Variants in SNX30 observed in about 807,000 individuals in gnomAD.
SNX30 encodes sorting nexin family member 30, also known as sorting nexin-30.
Under a neutral mutation model 46.4 loss-of-function variants are expected in SNX30, and 24 were observed. That is an observed-to-expected ratio of 0.52 (90% CI 0.37 to 0.73). SNX30 has a LOEUF of 0.73. Among genes scored for constraint, SNX30 ranks in the 30% least tolerant of loss-of-function variants. The pLI is 0.00. For missense variants in SNX30, 533 were observed against 555.7 expected, an observed-to-expected ratio of 0.96 and a Z score of 0.41; for synonymous variants, 189 against 211.5, an observed-to-expected ratio of 0.89 and a Z score of 0.92.
intron 6 of SNX30, among the ~76,000 whole-genome samples, chr9:112,845,453 A>G (rs929744101): frequency 6.6e-6 from 1 of 152,200 alleles, no homozygotes; most frequent in African/African-American, 2.4e-5. Flanking sequence ...TAAGAATTCT[A>G]GCTTCTGATC....
intron 3 of SNX30, among the ~76,000 whole-genome samples, chr9:112,819,562 C>T (rs116514741): frequency 0.038 from 5,762 of 152,144 alleles, 375 homozygotes; most frequent in African/African-American, 0.13. Flanking sequence ...CCACCACGCC[C>T]GGCCCAAGTT....
chr9:112,817,469 A>G (rs559995434), intron 2 of SNX30, among the ~76,000 whole-genome samples: 2 of 122,422 alleles, frequency 1.6e-5, no homozygotes, highest in South Asian at 5.2e-4. Flanking sequence ...GCTGGAGTGC[A>G]GTGGTGCAAT....
At chr9:112,829,949 TATTTC>T (rs1840635891) in intron 3 of SNX30, among the ~76,000 whole-genome samples, 1 of 152,236 alleles carries the variant, frequency 6.6e-6, no homozygotes, top group African/African-American at 2.4e-5. Context: ...ATTTTAAAAA[TATTTC>T]ATAGCTCAAA....
At chr9:112,846,552 C>G (rs974951210) in intron 6 of SNX30, among the ~76,000 whole-genome samples, 14 of 152,186 alleles carry the variant, frequency 9.2e-5, no homozygotes, top group Non-Finnish European at 2.1e-4. Context: ...GGAAAGTGCC[C>G]TTCTAGAGGG....
chr9:112,795,133 T>C (rs548468480), intron 1 of SNX30, among the ~76,000 whole-genome samples: 1 of 152,192 alleles, frequency 6.6e-6, no homozygotes. Flanking sequence ...CCTCATAGTT[T>C]ATAAGAGGAT....
chr9:112,783,262 G>A (rs1839873306), intron 1 of SNX30, among the ~76,000 whole-genome samples: 1 of 152,198 alleles, frequency 6.6e-6, no homozygotes, highest in Non-Finnish European at 1.5e-5. Context: ...AGGCTGGGTT[G>A]TGCCTCTGCT....
At chr9:112,856,823 G>A (rs911176762) in intron 7 of SNX30, 1 of 152,538 alleles carries the variant, frequency 6.6e-6, no homozygotes, top group African/African-American at 2.4e-5. Context: ...CTCACCATGG[G>A]GCAGAAGACC....
chr9:112,770,393 G>A (rs1052739226), intron 1 of SNX30, among the ~76,000 whole-genome samples: 2 of 151,692 alleles, frequency 1.3e-5, no homozygotes, highest in African/African-American at 4.8e-5. Context: ...GGCTGGTCTC[G>A]AACTCCCGAC....
At chr9:112,778,133 G>T (rs1038764338) in intron 1 of SNX30, among the ~76,000 whole-genome samples, 1 of 152,194 alleles carries the variant, frequency 6.6e-6, no homozygotes, top group East Asian at 1.9e-4. Flanking sequence ...TGTGGCTTGG[G>T]CTACTCAAAG....
At chr9:112,851,055 C>T in intron 7 of SNX30, 110 bp downstream of exon 7, 1 of 685,972 alleles carries the variant, frequency 1.5e-6, no homozygotes, top group East Asian at 2.7e-5. Flanking sequence ...GCCGGCTGGG[C>T]TACGTTGATG....
intron 6 of SNX30, among the ~76,000 whole-genome samples, chr9:112,840,060 T>TAAACTGTGGACGGTGGA (rs1840830667): frequency 6.6e-6 from 1 of 152,246 alleles, no homozygotes; most frequent in Admixed American, 6.5e-5. Flanking sequence ...TGATACGTAC[T>TAAACTGTGGACGGTGGA]AAACTGTGGA....
Position 112,838,578 on chromosome 9 carries a change from G to A in SNX30, c.895G>A (p.Glu299Lys). The change falls in exon 6 of 9, where the codon GAG becomes AAG. Residue 299 changes from glutamate to lysine, a missense_variant. By Grantham distance (56) the Glu-to-Lys change is moderately conservative. This residue lies in a region of SNX30 where 261 missense variants were observed against 270.9 expected (regional missense o/e 0.96). Coordinates refer to ENST00000374232, the MANE Select transcript of SNX30 (RefSeq NM_001012994.2). ...GGAGGGTGAGCTGGCTGAACCCCTG[G>A]AGGGTGTGTCAGCTTGCATTGGGAA... ...ALEGELAEPL[E>K]GVSACIGNCS... The A allele has an allele frequency of 6.2e-7, 1 of 1,614,218 alleles. No individual in the cohort carries two copies. The highest frequency in any genetic ancestry group is 8.5e-7 in the Non-Finnish European group (1 of 1,180,018).
chr9:112,847,273 G>A (rs938975739), intron 6 of SNX30, among the ~76,000 whole-genome samples: 2 of 151,948 alleles, frequency 1.3e-5, no homozygotes, highest in South Asian at 2.1e-4. Context: ...TATCCCAGCC[G>A]TCCCGCGCAT....
chr9:112,792,271 C>A (rs1366188997), intron 1 of SNX30, among the ~76,000 whole-genome samples: 1 of 152,092 alleles, frequency 6.6e-6, no homozygotes, highest in Non-Finnish European at 1.5e-5. Flanking sequence ...TTTAATTTCA[C>A]CTTGATCACA....
chr9:112,829,855 T>C (rs998261222), intron 3 of SNX30, among the ~76,000 whole-genome samples: 2 of 152,192 alleles, frequency 1.3e-5, no homozygotes, highest in African/African-American at 4.8e-5. Flanking sequence ...ATGTTAAGCA[T>C]CTTTTCATGT....
At chr9:112,855,599 C>T (rs527280026) in intron 7 of SNX30, among the ~76,000 whole-genome samples, 1 of 152,194 alleles carries the variant, frequency 6.6e-6, no homozygotes, top group Admixed American at 6.5e-5. Flanking sequence ...AGTCCTAGGA[C>T]GTCTTGTGGG....
chr9:112,780,878 G>T (rs939156285), intron 1 of SNX30, among the ~76,000 whole-genome samples: 1 of 152,204 alleles, frequency 6.6e-6, no homozygotes, highest in Non-Finnish European at 1.5e-5. Context: ...TTTGTCCCCG[G>T]CTTAGACATT....
intron 2 of SNX30, among the ~76,000 whole-genome samples, chr9:112,806,049 G>C (rs1000743996): frequency 2.0e-5 from 3 of 152,094 alleles, no homozygotes; most frequent in African/African-American, 7.2e-5. Flanking sequence ...TTGGAACAAG[G>C]TTTCCCAATC....
At chr9:112,837,252 C>G (rs1840771760) in intron 5 of SNX30, among the ~76,000 whole-genome samples, 1 of 151,586 alleles carries the variant, frequency 6.6e-6, no homozygotes, top group Non-Finnish European at 1.5e-5. Context: ...CTCTACTTGA[C>G]CCACTGATGA....
Sources: gnomAD v4.1 joint callset for allele counts (sites outside exome capture counted in the v4.1 genomes callset) on GRCh38, gnomAD v4.1.1 for gene constraint, gnomAD v4.1.1 regional missense constraint, MANE v1.5 for transcripts, NCBI Gene and HGNC (gene_info 2026-07-23, HGNC 2026-07-21) for gene names.